SLC25A47: variants seen among roughly 807,000 people sequenced by gnomAD.
The protein encoded by SLC25A47 is solute carrier family 25 member 47, also known as HCC-down-regulated mitochondrial carrier protein.
A neutral mutation model predicts 29.8 loss-of-function variants in SLC25A47; 30 were observed. The observed-to-expected ratio is 1.01, with a 90% CI of 0.75 to 1.36. The LOEUF (loss-of-function observed/expected upper bound fraction) is 1.36. Ranked by LOEUF, SLC25A47 falls within the 40% of genes most tolerant of loss-of-function variation. The pLI is 0.00. For missense variants in SLC25A47, 430 were observed against 441.9 expected (o/e 0.97, Z 0.24); for synonymous variants, 204 against 197.8 (o/e 1.03, Z -0.26).
At chr14:100,326,711 CGCCTGT>C (rs1893345263) in intron 3 of SLC25A47, among the ~76,000 whole-genome samples, 1 of 152,208 alleles carries the variant, frequency 6.6e-6, no homozygotes, top group Non-Finnish European at 1.5e-5. Flanking sequence ...CGGTGGCTTA[CGCCTGT>C]AATCCCAGCA....
At position 100,325,885 on chromosome 14, in the gene SLC25A47, G is replaced by A. The variant is rs555487391; in HGVS notation, c.72+54G>A. ...CCTAAGGCCCCTGCACCTGTCCACG[G>A]CCAGGAGACTTTTCTAGAATGCTAA... On this transcript the variant is annotated intron_variant, in intron 2 of 5. Transcript: ENST00000361529. The A allele has an allele frequency of 4.9e-4, 762 of 1,562,178 alleles. 1 individual carries two copies. The highest frequency in any genetic ancestry group is 4.6e-4 in the Non-Finnish European group (535 of 1,150,894).
chr14:100,323,489 G>GT lies in SLC25A47; in HGVS notation c.28+48dup, dbSNP rs781555507. 4 of 1,609,930 alleles carry GT rather than the reference G, an allele frequency of 2.5e-6. No homozygotes were observed. The Admixed American group carries it at 5.0e-5, about 20-fold the overall frequency. On this transcript the variant is annotated intron_variant, in intron 1 of 5. Coordinates refer to ENST00000361529, the MANE Select transcript of SLC25A47 (RefSeq NM_207117.4). ...TGTGCAGACACTGCTGCTCCTGGGG[G>GT]TAGCAGGAGGAACTGAGGTCCAGGA...
intron 1 of SLC25A47, 104 bp downstream of exon 1, chr14:100,323,546 G>A (rs1158317375): frequency 7.4e-7 from 1 of 1,357,320 alleles, no homozygotes; most frequent in Non-Finnish European, 1.0e-6. Context: ...GCTTTGAGGA[G>A]CCCCTCACCC....
chr14:100,327,124 G>A, intron 3 of SLC25A47, 64 bp from the exon 4 acceptor site: 2 of 1,490,502 alleles, frequency 1.3e-6, no homozygotes, highest in South Asian at 2.6e-5. Context: ...GGCTGAGTGT[G>A]GGCTCCCTCG....
Position 100,329,410 on chromosome 14 carries a change from C to T in SLC25A47, c.692C>T (p.Ala231Val). 6.2e-7 allele frequency: 1 copy of T among 1,612,582 alleles called. No individual in the cohort carries two copies. The highest frequency in any genetic ancestry group is 8.5e-7 in the Non-Finnish European group (1 of 1,179,810). ...LVAGGCAGVL[A>V]WAVATPMDVI... ...GCCGGGGGCTGTGCAGGAGTCCTGG[C>T]CTGGGCTGTGGCCACCCCCATGGAC... The change falls in exon 6 of 6, where the codon GCC (alanine) becomes GTC (valine). Residue 231 changes from alanine (A) to valine (V), a missense_variant. Transcript: ENST00000361529.
At position 100,327,362 on chromosome 14, in the gene SLC25A47, C is replaced by T; in HGVS notation, c.319C>T (p.Leu107Phe). The change falls in exon 4 of 6, where the codon CTC becomes TTC. Residue 107 changes from leucine (L) to phenylalanine (F), a missense_variant. Coordinates refer to ENST00000361529, the MANE Select transcript of SLC25A47 (RefSeq NM_207117.4). ...DITLSGCASG[L>F]VRVFLTSPTE... ...CACGCTCTCGGGATGCGCCTCCGGC[C>T]TCGTCCGCGTGAGTAGGGGCAGCCA... 1 of 1,594,748 alleles carries T rather than the reference C, an allele frequency of 6.3e-7. No individual in the cohort carries two copies. The highest frequency in any genetic ancestry group is 2.2e-5 in the East Asian group (1 of 44,826).
intron 1 of SLC25A47, among the ~76,000 whole-genome samples, chr14:100,324,107 G>A (rs886107807): frequency 1.2e-4 from 19 of 152,170 alleles, no homozygotes; most frequent in Non-Finnish European, 2.4e-4. Context: ...TGCCCTTGCT[G>A]GTCTTGTGAA....
rs565898992 is a variant in SLC25A47, at chr14:100,329,446, C to A, written c.728C>A (p.Ser243Ter). Residue 243 changes from serine (S) to a stop codon, truncating the protein, a stop_gained, in exon 6 of 6, where the codon TCG (serine) becomes TAG (stop). Coordinates refer to ENST00000361529, the MANE Select transcript of SLC25A47 (RefSeq NM_207117.4). LOFTEE classifies it high-confidence loss of function. ...GCCACCCCCATGGACGTGATCAAGTCGAGACTGCAGGCAGACGGGCAGGGC... is the reference window on the plus strand; with the variant it reads ...GCCACCCCCATGGACGTGATCAAGTAGAGACTGCAGGCAGACGGGCAGGGC... ...AVATPMDVIK[S>*]RLQADGQGQR... is the part of the protein sequence containing the mutation. 1.8e-5 allele frequency: 29 copies of A among 1,613,432 alleles called. No homozygotes were observed. The highest frequency in any genetic ancestry group is 2.5e-5 in the Non-Finnish European group (29 of 1,179,990).
intron 3 of SLC25A47, 65 bp downstream of exon 3, chr14:100,326,293 C>A: frequency 6.8e-7 from 1 of 1,468,568 alleles, no homozygotes; most frequent in Non-Finnish European, 9.5e-7. Context: ...CCTCCGCTGC[C>A]CAGCAGGTGA....
intron 1 of SLC25A47, among the ~76,000 whole-genome samples, 172 bp downstream of exon 1, chr14:100,323,614 G>C (rs1322485216): frequency 6.6e-6 from 1 of 152,136 alleles, no homozygotes; most frequent in African/African-American, 2.4e-5. Flanking sequence ...TGGGTGAGGG[G>C]TGCTGCAGGG....
Position 100,328,943 on chromosome 14 carries a change from G to C in SLC25A47, c.545G>C (p.Ser182Thr), listed in dbSNP as rs773172919. 17 of 1,605,522 alleles carry C rather than the reference G, an allele frequency of 1.1e-5. No homozygotes were observed. In the Admixed American group the frequency reaches 2.5e-4, roughly 24 times the overall value. ...EEGLCGLYKGSSALVLRDGHS... is the reference protein window; with the variant it reads ...EEGLCGLYKGTSALVLRDGHS... The stretch of plus-strand genomic sequence containing the variant: ...GGGCTGTGCGGCCTCTACAAGGGCA[G>C]CTCGGCCCTGGTCTTACGGGACGGC... Residue 182 changes from serine to threonine, a missense_variant, in exon 5 of 6, where the codon AGC (serine) becomes ACC (threonine). Physicochemically the swap from Ser to Thr is moderately conservative, Grantham distance 58 (BLOSUM62 1). Coordinates refer to ENST00000361529, the MANE Select transcript of SLC25A47 (RefSeq NM_207117.4).
At chr14:100,328,196 C>T (rs138146016) in intron 4 of SLC25A47, among the ~76,000 whole-genome samples, 109 of 151,408 alleles carry the variant, frequency 7.2e-4, no homozygotes, top group South Asian at 5.2e-3. Context: ...ACTACAACCT[C>T]TACGTCCCAG....
rs765756882 is a variant in SLC25A47, at chr14:100,323,461, G to A, written c.28+19G>A. ...ATCGGAGGTAACAGACAGGATGGTGGGCTGTGCAGACACTGCTGCTCCTGG... is the reference window on the plus strand; with the variant it reads ...ATCGGAGGTAACAGACAGGATGGTGAGCTGTGCAGACACTGCTGCTCCTGG... On this transcript the variant is annotated intron_variant, in intron 1 of 5. Transcript: ENST00000361529. 11 of 1,613,494 alleles carry A rather than the reference G, an allele frequency of 6.8e-6. No individual in the cohort carries two copies. In the Admixed American group the frequency reaches 1.7e-4, roughly 24 times the overall value.
In SLC25A47 at chr14:100,328,985, A is replaced by G. The variant is rs754426274; in HGVS notation, c.587A>G (p.Tyr196Cys). Residue 196 changes from tyrosine (Y) to cysteine (C), a missense_variant, in exon 5 of 6, where the codon TAC becomes TGC. Coordinates refer to ENST00000361529, the MANE Select transcript of SLC25A47 (RefSeq NM_207117.4). ...VLRDGHSFAT[Y>C]FLSYAVLCEW... ...CGGGACGGCCACTCCTTTGCCACCT[A>G]CTTCCTTTCCTACGCGGTCCTCTGC... 1 of 1,601,426 alleles carries G rather than the reference A, an allele frequency of 6.2e-7. No homozygotes were observed. Among genetic ancestry groups the G allele is most frequent in the East Asian group, 2.2e-5 (1 of 44,856 alleles).
rs777656959 is a variant in SLC25A47, at chr14:100,329,436, G to A, written c.718G>A (p.Val240Met). The change falls in exon 6 of 6, where the codon GTG becomes ATG. Residue 240 changes from valine (V) to methionine (M), a missense_variant. Coordinates refer to ENST00000361529, the MANE Select transcript of SLC25A47 (RefSeq NM_207117.4). Reference sequence around the variant, plus strand: ...CTGGGCTGTGGCCACCCCCATGGACGTGATCAAGTCGAGACTGCAGGCAGA... The same window carrying A: ...CTGGGCTGTGGCCACCCCCATGGACATGATCAAGTCGAGACTGCAGGCAGA... The part of the protein sequence containing the change: ...LAWAVATPMD[V>M]IKSRLQADGQ... The A allele has an allele frequency of 1.2e-5, 19 of 1,613,238 alleles. No homozygotes were observed. Among genetic ancestry groups the A allele is most frequent in the African/African-American group, 9.3e-5 (7 of 74,928 alleles).
Position 100,328,887 on chromosome 14 carries a change from G to A in SLC25A47, c.489G>A (p.Leu163=), listed in dbSNP as rs1450878327. 1.2e-6 allele frequency: 2 copies of A among 1,611,560 alleles called. No homozygotes were observed. Among genetic ancestry groups the A allele is most frequent in the Non-Finnish European group, 1.7e-6 (2 of 1,179,796 alleles). ...ACPEPKYRGP[L]HCLATVAREE... is the part of the protein sequence containing the mutation. ...CAGAGCCCAAGTACCGCGGGCCACT[G>A]CACTGCCTGGCCACGGTAGCCCGTG... is the stretch of plus-strand genomic sequence containing the variant. The change falls in exon 5 of 6, where the codon CTG becomes CTA. Residue 163 remains leucine (L), a synonymous_variant. Transcript: ENST00000361529.
In SLC25A47 at chr14:100,328,968, C is replaced by T; in HGVS notation, c.570C>T (p.Gly190=). The change falls in exon 5 of 6, where the codon GGC becomes GGT. Residue 190 remains glycine, a synonymous_variant. Transcript: ENST00000361529. ...GCTCGGCCCTGGTCTTACGGGACGG[C>T]CACTCCTTTGCCACCTACTTCCTTT... ...KGSSALVLRD[G]HSFATYFLSY... The T allele has an allele frequency of 6.2e-7, 1 of 1,602,656 alleles. No homozygotes were observed. Among genetic ancestry groups the T allele is most frequent in the Non-Finnish European group, 8.5e-7 (1 of 1,179,850 alleles).
Position 100,328,877 on chromosome 14 carries a change from GC to G in SLC25A47, c.480del (p.Pro162HisfsTer8). On this transcript the variant is annotated frameshift_variant, in exon 5 of 6. Coordinates refer to ENST00000361529, the MANE Select transcript of SLC25A47 (RefSeq NM_207117.4). LOFTEE classifies it high-confidence loss of function. ...VPPACPEPKY[R>X]GPLHCLATVA... Reference sequence around the variant, plus strand: ...CCAGCCTGCCCAGAGCCCAAGTACCGCGGGCCACTGCACTGCCTGGCCACGG... The same window carrying G: ...CCAGCCTGCCCAGAGCCCAAGTACCGGGGCCACTGCACTGCCTGGCCACGG... 6.2e-7 allele frequency: 1 copy of G among 1,611,830 alleles called. No individual in the cohort carries two copies. The highest frequency in any genetic ancestry group is 8.5e-7 in the Non-Finnish European group (1 of 1,179,758).
At chr14:100,325,147 C>T (rs1450254676) in intron 1 of SLC25A47, among the ~76,000 whole-genome samples, 4 of 152,208 alleles carry the variant, frequency 2.6e-5, no homozygotes, top group Non-Finnish European at 5.9e-5. Flanking sequence ...TCTGACTTCC[C>T]TGTGGCAGTG....
Sources: allele counts gnomAD v4.1 joint callset (sites outside exome capture counted in the v4.1 genomes callset), GRCh38; gene constraint gnomAD v4.1.1; transcripts MANE v1.5; gene names NCBI Gene and HGNC (gene_info 2026-07-23, HGNC 2026-07-21).